SEMA6D: variants seen among roughly 807,000 people sequenced by gnomAD.
The protein encoded by SEMA6D is semaphorin-6D.
Under a neutral mutation model 106.6 loss-of-function variants are expected in SEMA6D, and 35 were observed. That is an observed-to-expected ratio of 0.33 (90% CI 0.25 to 0.44). The LOEUF (loss-of-function observed/expected upper bound fraction) is 0.44. Among genes scored for constraint, SEMA6D ranks in the 20% least tolerant of loss-of-function variants. SEMA6D has a pLI of 1.00. For missense variants in SEMA6D, 1,185 were observed against 1,345.9 expected, an observed-to-expected ratio of 0.88 and a Z score of 1.87; for synonymous variants, 499 against 487.7, an observed-to-expected ratio of 1.02 and a Z score of -0.31.
chr15:47,337,168 G>T (rs1046643254), intron 1 of SEMA6D, among the ~76,000 whole-genome samples: 1 of 152,138 alleles, frequency 6.6e-6, no homozygotes, highest in Non-Finnish European at 1.5e-5. Context: ...TCAGCAAGCA[G>T]ATATCCCCAT....
At chr15:47,712,739 A>T (rs2079044234), upstream of SEMA6D, among the ~76,000 whole-genome samples, 1 of 152,198 alleles carries the variant, frequency 6.6e-6, no homozygotes. Context: ...TTTAATAGGT[A>T]TTATTCAGCT....
chr15:47,256,275 G>A (rs187209343), intron 1 of SEMA6D, among the ~76,000 whole-genome samples: 4 of 152,194 alleles, frequency 2.6e-5, no homozygotes, highest in South Asian at 2.1e-4. Flanking sequence ...TAGAAGTTGC[G>A]TTAAACCTGT....
chr15:47,459,701 G>T lies in SEMA6D; in HGVS notation c.-158-10773G>T, dbSNP rs188746818. Among the ~76,000 whole-genome samples the T allele has an allele frequency of 1.6e-4, 25 of 151,990 alleles. No individual in the cohort carries two copies. The East Asian group carries it at 4.9e-3, about 30-fold the overall frequency. On this transcript the variant is annotated intron_variant, in intron 2 of 19. Transcript: ENST00000558014. Reference sequence around the variant, plus strand: ...ATAATAACCTCAAAACAAACAATAGGTTTTCTCCCCTCTTTCCCCTGCAGC... The same window carrying T: ...ATAATAACCTCAAAACAAACAATAGTTTTTCTCCCCTCTTTCCCCTGCAGC...
In SEMA6D at chr15:47,494,998, C is replaced by T. The variant is rs139107595; in HGVS notation, c.-87+24453C>T. On this transcript the variant is annotated intron_variant, in intron 3 of 19. Coordinates refer to the SEMA6D transcript ENST00000558014. The stretch of plus-strand genomic sequence containing the variant: ...TTGTAGTAATGTTTAACTATTCCCA[C>T]GCTTTGATTACCATACCAGTATCTC... Among the ~76,000 whole-genome samples, 306 of 151,160 alleles carry T rather than the reference C, an allele frequency of 2.0e-3. 1 individual carries two copies. Among genetic ancestry groups the T allele is most frequent in the African/African-American group, 6.8e-3 (282 of 41,316 alleles).
At chr15:47,622,356 G>A (rs2077121334) in intron 4 of SEMA6D, among the ~76,000 whole-genome samples, 1 of 152,102 alleles carries the variant, frequency 6.6e-6, no homozygotes. Flanking sequence ...TTTCCATGAG[G>A]TTTCCTCTAA....
At chr15:47,382,407 T>C (rs1036077796) in intron 1 of SEMA6D, among the ~76,000 whole-genome samples, 9 of 151,962 alleles carry the variant, frequency 5.9e-5, no homozygotes, top group Non-Finnish European at 1.2e-4. Flanking sequence ...CTACTGCTGC[T>C]GAGGCAGCAG....
chr15:47,567,752 G>C (rs533529312), intron 3 of SEMA6D, among the ~76,000 whole-genome samples: 1 of 152,152 alleles, frequency 6.6e-6, no homozygotes, highest in Non-Finnish European at 1.5e-5. Context: ...AAGTTTACCA[G>C]GTATGGGACT....
chr15:47,223,850 T>G (rs2031423580), intron 1 of SEMA6D, among the ~76,000 whole-genome samples: 1 of 152,164 alleles, frequency 6.6e-6, no homozygotes, highest in African/African-American at 2.4e-5. Context: ...TTACATTCTC[T>G]TACTCTTTGC....
intron 2 of SEMA6D, among the ~76,000 whole-genome samples, chr15:47,463,817 G>C (rs2042583879): frequency 6.6e-6 from 1 of 152,148 alleles, no homozygotes; most frequent in Non-Finnish European, 1.5e-5. Flanking sequence ...TCCTTCTAAA[G>C]GCTTTAGGGA....
chr15:47,598,037 T>C (rs2076572346), intron 3 of SEMA6D, among the ~76,000 whole-genome samples: 1 of 152,012 alleles, frequency 6.6e-6, no homozygotes, highest in African/African-American at 2.4e-5. Context: ...GGTAATGTTT[T>C]TCTTTATTTC....
chr15:47,244,451 T>G (rs192449384), intron 1 of SEMA6D, among the ~76,000 whole-genome samples: 51 of 152,318 alleles, frequency 3.3e-4, no homozygotes, highest in Admixed American at 6.5e-4. Context: ...TATAAGCATG[T>G]GTTATAAAGC....
chr15:47,651,610 A>G (rs1451852612), intron 4 of SEMA6D, among the ~76,000 whole-genome samples: 3 of 152,200 alleles, frequency 2.0e-5, no homozygotes, highest in African/African-American at 7.2e-5. Flanking sequence ...GGTTCTTCAC[A>G]TACCCTGCCC....
At chr15:47,436,193 C>T (rs1356351949) in intron 2 of SEMA6D, among the ~76,000 whole-genome samples, 2 of 152,034 alleles carry the variant, frequency 1.3e-5, no homozygotes, top group Non-Finnish European at 2.9e-5. Flanking sequence ...AGTTCCAGAC[C>T]AGACTGGCCA....
chr15:47,383,968 CACAT>C (rs2039729906), intron 1 of SEMA6D, among the ~76,000 whole-genome samples: 1 of 152,210 alleles, frequency 6.6e-6, no homozygotes, highest in Non-Finnish European at 1.5e-5. Flanking sequence ...CAGATTCACA[CACAT>C]AGAGTGTTTT....
At chr15:47,740,254 C>T (rs961145710) in intron 1 of SEMA6D, among the ~76,000 whole-genome samples, 2 of 152,170 alleles carry the variant, frequency 1.3e-5, no homozygotes, top group African/African-American at 4.8e-5. Context: ...GGCGTGGTGA[C>T]TCATGCCTGT....
chr15:47,245,043 A>G (rs149168999), intron 1 of SEMA6D, among the ~76,000 whole-genome samples: 3 of 142,150 alleles, frequency 2.1e-5, no homozygotes, highest in Non-Finnish European at 3.1e-5. Context: ...TTTTTTTTTC[A>G]TGGCTGTGTG....
chr15:47,228,043 CTT>C lies in SEMA6D; in HGVS notation c.-239+43626_-239+43627del, dbSNP rs566047076. Among the ~76,000 whole-genome samples the C allele has an allele frequency of 5.8e-3, 800 of 137,356 alleles. 10 individuals carry two copies. Among genetic ancestry groups the C allele is most frequent in the African/African-American group, 0.018 (670 of 37,662 alleles). 90.1% of individuals were successfully genotyped at this position (137,356 alleles called of 152,430 possible). On this transcript the variant is annotated intron_variant, in intron 1 of 19. Coordinates refer to the SEMA6D transcript ENST00000558014. ...ATATATTTTTTATATATATAAGAAT[CTT>C]ATATATATATTTTTATATATAAGAA...
At chr15:47,301,522 G>A (rs1052358899) in intron 1 of SEMA6D, among the ~76,000 whole-genome samples, 3 of 152,142 alleles carry the variant, frequency 2.0e-5, no homozygotes, top group Non-Finnish European at 4.4e-5. Context: ...GAAGAGGCAG[G>A]TGGCCCTGAA....
At chr15:47,326,810 G>T (rs1319997178) in intron 1 of SEMA6D, among the ~76,000 whole-genome samples, 4 of 152,106 alleles carry the variant, frequency 2.6e-5, no homozygotes, top group Admixed American at 2.6e-4. Flanking sequence ...GATTCTGTTT[G>T]CTCCCCTCCC....
Sources: allele counts gnomAD v4.1 joint callset (sites outside exome capture counted in the v4.1 genomes callset), GRCh38; gene constraint gnomAD v4.1.1; transcripts MANE v1.5; gene names NCBI Gene and HGNC (gene_info 2026-07-23, HGNC 2026-07-21).